Variants in SMPX observed in about 807,000 individuals in gnomAD.
SMPX encodes the protein small muscle protein X-linked, also known as small muscular protein.
A neutral mutation model predicts 6.3 loss-of-function variants in SMPX; 2 were observed. The observed-to-expected ratio is 0.32, with a 90% CI of 0.13 to 0.99. The LOEUF is 0.99. SMPX is among the 50% of genes least tolerant of loss of function. The pLI, the probability that SMPX is intolerant of heterozygous loss-of-function variation, is 0.49. For missense variants in SMPX, 60 were observed against 66.8 expected (o/e 0.90, Z 0.36); for synonymous variants, 32 against 24.7 (o/e 1.30, Z -0.88).
rs2147387003 is a variant in SMPX at position 21,737,597 on chromosome X, C to T, written c.233G>A (p.Ser78Asn). The T allele has an allele frequency of 2.5e-6, 3 of 1,206,870 alleles. No homozygotes were observed. Among genetic ancestry groups the T allele is most frequent in the Non-Finnish European group, 3.4e-6 (3 of 891,208 alleles). ...AGCTTTGGGGACATATTTTAGTTCA[C>T]TTTTAATATTCTGGATTTCCGATAG... is the stretch of plus-strand genomic sequence containing the variant. ...VNLSEIQNIK[S>N]ELKYVPKAEQ Residue 78 changes from serine to asparagine, a missense_variant, in exon 4 of 5, where the codon AGT becomes AAT. Transcript: ENST00000379494.
intron 4 of SMPX, among the ~76,000 whole-genome samples, chrX:21,718,230 G>A (rs919762637): frequency 1.8e-5 from 2 of 112,481 alleles, no homozygotes; most frequent in African/African-American, 6.5e-5. Context: ...ATTGTTCAGC[G>A]AGGTCACCTG....
chrX:21,715,310 ACGCGCGCGCGCT>A (rs1569303798), intron 4 of SMPX, among the ~76,000 whole-genome samples: 2 of 87,313 alleles, frequency 2.3e-5, no homozygotes, highest in African/African-American at 4.7e-5. Flanking sequence ...GTGTGCGCGC[ACGCGCGCGCGCT>A]CGCGCGCTGG....
intron 4 of SMPX, among the ~76,000 whole-genome samples, chrX:21,711,107 CAG>C (rs2092778271): frequency 8.9e-6 from 1 of 111,987 alleles, no homozygotes; most frequent in Admixed American, 9.5e-5. Context: ...CCCAGACGGC[CAG>C]AGTCTCCATC....
At chrX:21,746,728 A>T (rs1282464449) in intron 2 of SMPX, among the ~76,000 whole-genome samples, 1 of 106,937 alleles carries the variant, frequency 9.4e-6, no homozygotes, top group Non-Finnish European at 1.9e-5. Flanking sequence ...ATTCGATCAT[A>T]ATGTGCACCA....
At chrX:21,745,365 T>C (rs1344775399) in intron 2 of SMPX, among the ~76,000 whole-genome samples, 1 of 111,602 alleles carries the variant, frequency 9.0e-6, no homozygotes, top group Non-Finnish European at 1.9e-5. Flanking sequence ...AGATTTGTCT[T>C]ATATGGTGGC....
At chrX:21,736,069 C>G (rs2092810146) in intron 4 of SMPX, among the ~76,000 whole-genome samples, 1 of 112,264 alleles carries the variant, frequency 8.9e-6, no homozygotes, top group African/African-American at 3.2e-5. Flanking sequence ...TTTTATGTAA[C>G]TGTGCTGAAA....
chrX:21,752,344 C>A (rs1009021103), intron 2 of SMPX, among the ~76,000 whole-genome samples: 1 of 111,351 alleles, frequency 9.0e-6, no homozygotes, highest in African/African-American at 3.3e-5. Context: ...TTTTTGCATC[C>A]TGCAAAAATA....
In SMPX at chrX:21,731,543, G is replaced by A. The variant is rs150072849; in HGVS notation, c.*14+6006C>T. Among the ~76,000 whole-genome samples, 517 of 75,129 alleles carry A rather than the reference G, an allele frequency of 6.9e-3. 6 individuals are homozygous for A. Among genetic ancestry groups the A allele is most frequent in the African/African-American group, 0.022 (474 of 21,232 alleles). 65.2% of individuals were successfully genotyped at this position (75,129 alleles called of 115,157 possible). A position where few individuals can be genotyped will look rare whatever the true frequency, so the allele number is the denominator to read the frequency against. On this transcript the variant is annotated intron_variant, in intron 4 of 4. Coordinates refer to ENST00000379494, the MANE Select transcript of SMPX (RefSeq NM_014332.3). ...ATGTGTACACATACACATTATGTGT[G>A]TATGTGTATATATACACATTATGTG...
At chrX:21,719,539 GA>G (rs2092789325) in intron 4 of SMPX, among the ~76,000 whole-genome samples, 1 of 102,315 alleles carries the variant, frequency 9.8e-6, no homozygotes, top group South Asian at 4.6e-4. Flanking sequence ...AGAAGAAGAA[GA>G]AAAGAAAGAA....
chrX:21,742,104 T>TCTAA lies in SMPX; in HGVS notation c.132+1645_132+1646insTTAG, dbSNP rs772929223. Among the ~76,000 whole-genome samples, 171 of 112,367 alleles carry TCTAA rather than the reference T, an allele frequency of 1.5e-3. 1 individual carries two copies. Among genetic ancestry groups the TCTAA allele is most frequent in the African/African-American group, 5.3e-3 (164 of 30,922 alleles). On this transcript the variant is annotated intron_variant, in intron 3 of 4. Transcript: ENST00000379494. Reference sequence around the variant, plus strand: ...ATGAAATGTGAGCCTCCAAAACAGCTGTTACATCAGTCAATTTAGTGAGAA... The same window carrying TCTAA: ...ATGAAATGTGAGCCTCCAAAACAGCTCTAAGTTACATCAGTCAATTTAGTGAGAA...
intron 1 of SMPX, among the ~76,000 whole-genome samples, chrX:21,756,038 G>C (rs1312866009): frequency 8.9e-6 from 1 of 112,132 alleles, no homozygotes; most frequent in Non-Finnish European, 1.9e-5. Flanking sequence ...AAAAAGAAAA[G>C]CTTCGTGGCT....
intron 3 of SMPX, among the ~76,000 whole-genome samples, chrX:21,741,791 C>T (rs1372660135): frequency 9.0e-6 from 1 of 111,562 alleles, no homozygotes; most frequent in African/African-American, 3.3e-5. Context: ...GGAAGAAAGA[C>T]AAAAAACAGA....
At chrX:21,723,380 C>T (rs1022637219) in intron 4 of SMPX, among the ~76,000 whole-genome samples, 1 of 111,365 alleles carries the variant, frequency 9.0e-6, no homozygotes, top group Non-Finnish European at 1.9e-5. Flanking sequence ...CTGCCCTGTC[C>T]CCACTGTCCT....
intron 4 of SMPX, among the ~76,000 whole-genome samples, chrX:21,726,207 G>T (rs920240609): frequency 8.9e-6 from 1 of 112,051 alleles, no homozygotes; most frequent in Non-Finnish European, 1.9e-5. Flanking sequence ...GTGTCCAGTG[G>T]CTGCTGTAAG....
intron 1 of SMPX, among the ~76,000 whole-genome samples, chrX:21,754,568 GA>G (rs2092830819): frequency 8.9e-6 from 1 of 111,958 alleles, no homozygotes; most frequent in Non-Finnish European, 1.9e-5. Flanking sequence ...TCAGAAACTT[GA>G]AAGGTGCTAT....
chrX:21,743,828 G>C lies in SMPX; in HGVS notation c.54C>G (p.Ile18Met), dbSNP rs1339837476. 2 of 1,202,393 alleles carry C rather than the reference G, an allele frequency of 1.7e-6. No individual in the cohort carries two copies. The highest frequency in any genetic ancestry group is 3.5e-5 in the South Asian group (2 of 56,729). ...VSNVRAIQAN[I>M]NIPMGAFRPG... ...GCCGAAAGGCTCCCATTGGAATATT[G>C]ATATTTGCCTAAAAGAGAAAACAGG... The change falls in exon 3 of 5, where the codon ATC becomes ATG. Residue 18 changes from isoleucine (I) to methionine (M), a missense_variant. Transcript: ENST00000379494.
In SMPX at chrX:21,722,942, C is replaced by A. The variant is rs1483501989; in HGVS notation, c.*14+14607G>T. Among the ~76,000 whole-genome samples the A allele has an allele frequency of 8.9e-5, 10 of 111,959 alleles. No homozygotes were observed. In the Admixed American group the frequency reaches 9.5e-4, roughly 11 times the overall value. Reference sequence around the variant, plus strand: ...TGACCATTGGAAGCACTATTACAAGCATTTGTGATTATTGCTTCATTGATG... The same window carrying A: ...TGACCATTGGAAGCACTATTACAAGAATTTGTGATTATTGCTTCATTGATG... On this transcript the variant is annotated intron_variant, in intron 4 of 4. Coordinates refer to ENST00000379494, the MANE Select transcript of SMPX (RefSeq NM_014332.3).
At chrX:21,713,297 A>T (rs974600530) in intron 4 of SMPX, among the ~76,000 whole-genome samples, 1 of 112,490 alleles carries the variant, frequency 8.9e-6, no homozygotes, top group Non-Finnish European at 1.9e-5. Flanking sequence ...GTCCAGGATC[A>T]CACAGCTAGC....
chrX:21,740,817 G>A (rs1047702950), intron 3 of SMPX, among the ~76,000 whole-genome samples: 6 of 112,232 alleles, frequency 5.3e-5, no homozygotes, highest in African/African-American at 1.9e-4. Flanking sequence ...ATCTTGTAAA[G>A]GAGCCAGGTG....
Sources: allele counts gnomAD v4.1 joint callset (sites outside exome capture counted in the v4.1 genomes callset), GRCh38; gene constraint gnomAD v4.1.1; transcripts MANE v1.5; gene names NCBI Gene and HGNC (gene_info 2026-07-23, HGNC 2026-07-21).